The following PARD3B variants were observed in gnomAD, a reference collection of about 807,000 sequenced individuals.
PARD3B encodes par-3 family cell polarity regulator beta.
Under a neutral mutation model 130.2 loss-of-function variants are expected in PARD3B, and 103 were observed. The observed-to-expected ratio is 0.79, with a 90% confidence interval of 0.67 to 0.93. The LOEUF (loss-of-function observed/expected upper bound fraction) is 0.93. Ranked by LOEUF, PARD3B falls within the 40% of genes least tolerant of loss-of-function variation. The probability of loss-of-function intolerance (pLI) is 0.00; values close to 1 mark genes in which losing one functional copy is unlikely to be tolerated. For synonymous variants in PARD3B, 583 were observed against 553.2 expected (o/e 1.05, Z -0.76); for missense variants, 1,609 against 1,499.2 (o/e 1.07, Z -1.21).
At chr2:205,062,652 G>T (rs546438346) in intron 4 of PARD3B, among the ~76,000 whole-genome samples, 1 of 151,590 alleles carries the variant, frequency 6.6e-6, no homozygotes, top group East Asian at 1.9e-4. Flanking sequence ...ATGAAAGAAT[G>T]CATAAAAGAA....
At chr2:205,609,885 A>T (rs1176926665) in intron 22 of PARD3B, among the ~76,000 whole-genome samples, 3 of 152,188 alleles carry the variant, frequency 2.0e-5, no homozygotes. Context: ...ATCAGATGAG[A>T]TACTGTAGGA....
At position 204,777,826 on chromosome 2, in the gene PARD3B, G is replaced by A. The variant is rs146842241; in HGVS notation, c.222+91544G>A. ...TCTTGAATTGTAATCCTCATATGTCGAGGGAGGGAACTGTAATCCCCACAT... is the reference window on the plus strand; with the variant it reads ...TCTTGAATTGTAATCCTCATATGTCAAGGGAGGGAACTGTAATCCCCACAT... On this transcript the variant is annotated intron_variant, in intron 2 of 22. Coordinates refer to ENST00000406610, the MANE Select transcript of PARD3B (RefSeq NM_001302769.2). Among the ~76,000 whole-genome samples, 238 of 152,192 alleles carry A rather than the reference G, an allele frequency of 1.6e-3. 1 individual carries two copies. Among genetic ancestry groups the A allele is most frequent in the Non-Finnish European group, 2.9e-3 (196 of 68,010 alleles).
chr2:204,846,057 C>T (rs2044451716), intron 2 of PARD3B, among the ~76,000 whole-genome samples: 1 of 151,160 alleles, frequency 6.6e-6, no homozygotes, highest in African/African-American at 2.4e-5. Flanking sequence ...TCTATAAATC[C>T]AAATAGAAAA....
At chr2:204,918,946 AAAAC>A (rs1367838905) in intron 2 of PARD3B, among the ~76,000 whole-genome samples, 2 of 151,836 alleles carry the variant, frequency 1.3e-5, no homozygotes, top group African/African-American at 4.8e-5. Context: ...GTCTTCATTT[AAAAC>A]TAACACTCAA....
chr2:204,946,120 T>C (rs1050091622), intron 2 of PARD3B, among the ~76,000 whole-genome samples: 16 of 152,228 alleles, frequency 1.1e-4, no homozygotes, highest in Non-Finnish European at 2.2e-4. Context: ...CCTTCGACTA[T>C]TTCATCACAT....
At chr2:204,715,374 T>G (rs1031208050) in intron 2 of PARD3B, among the ~76,000 whole-genome samples, 23 of 152,184 alleles carry the variant, frequency 1.5e-4, no homozygotes, top group Non-Finnish European at 3.2e-4. Flanking sequence ...GTGGGTGGAT[T>G]CTTTTTCCTG....
chr2:204,974,658 G>A (rs1222298091), intron 3 of PARD3B, among the ~76,000 whole-genome samples: 1 of 152,212 alleles, frequency 6.6e-6, no homozygotes, highest in Non-Finnish European at 1.5e-5. Flanking sequence ...TTTAGTCACA[G>A]TTCAGGGATA....
chr2:205,193,962 G>A (rs933662717), intron 15 of PARD3B, among the ~76,000 whole-genome samples: 1 of 152,166 alleles, frequency 6.6e-6, no homozygotes, highest in Non-Finnish European at 1.5e-5. Context: ...ACTGTTGGGT[G>A]CCAGGGCAGA....
chr2:205,045,716 C>T (rs1698727542), intron 3 of PARD3B, among the ~76,000 whole-genome samples: 1 of 151,484 alleles, frequency 6.6e-6, no homozygotes, highest in Non-Finnish European at 1.5e-5. Context: ...TAAGAAAAAC[C>T]ATGTCTCTCT....
In PARD3B at chr2:204,604,858, ATTC is replaced by A. The variant is rs1190897808; in HGVS notation, c.120+58744_120+58746del. 4.6e-5 allele frequency among the ~76,000 whole-genome samples: 7 copies of A among 152,070 alleles called. No individual in the cohort carries two copies. In the South Asian group the frequency reaches 6.2e-4, roughly 14 times the overall value. ...TGTGGGTCAGGAATTTGGATGGGGT[ATTC>A]TTCTGTTCCACACAGTGTCAACTGG... On this transcript the variant is annotated intron_variant, in intron 1 of 22. Coordinates refer to ENST00000406610, the MANE Select transcript of PARD3B (RefSeq NM_001302769.2).
At chr2:205,236,064 A>G (rs1470710328) in intron 15 of PARD3B, among the ~76,000 whole-genome samples, 1 of 152,360 alleles carries the variant, frequency 6.6e-6, no homozygotes, top group East Asian at 1.9e-4. Flanking sequence ...TGTTAAGGCA[A>G]TATTATGCAC....
chr2:205,434,454 T>G (rs187881452), intron 19 of PARD3B, among the ~76,000 whole-genome samples: 1 of 152,286 alleles, frequency 6.6e-6, no homozygotes, highest in East Asian at 1.9e-4. Flanking sequence ...GTAATCTAGT[T>G]ATGGAAGCAG....
At chr2:204,968,017 C>T (rs1251016800) in intron 3 of PARD3B, among the ~76,000 whole-genome samples, 1 of 152,208 alleles carries the variant, frequency 6.6e-6, no homozygotes, top group Non-Finnish European at 1.5e-5. Context: ...CATCTCCCTT[C>T]CCCAGTCAGC....
chr2:204,976,196 T>C (rs1183137615), intron 3 of PARD3B, among the ~76,000 whole-genome samples: 1 of 152,198 alleles, frequency 6.6e-6, no homozygotes, highest in Admixed American at 6.5e-5. Flanking sequence ...AATGGAATGT[T>C]TCCAAAAGAA....
Position 205,122,633 on chromosome 2 carries a change from T to C in PARD3B, c.1165+684T>C, listed in dbSNP as rs1483301728. ...CTCTGCTTTATATTACCTTCCCCCATTGCAACCTTCTGAAATTCTGTGTTT... is the reference window on the plus strand; with the variant it reads ...CTCTGCTTTATATTACCTTCCCCCACTGCAACCTTCTGAAATTCTGTGTTT... On this transcript the variant is annotated intron_variant, in intron 8 of 22. Transcript: ENST00000406610. This position sits in a 1 kb window ranked among gnomAD's most constrained non-coding sequence, Gnocchi z 4.3. Among the ~76,000 whole-genome samples the C allele has an allele frequency of 6.6e-6, 1 of 152,174 alleles. No homozygotes were observed. Among genetic ancestry groups the C allele is most frequent in the Non-Finnish European group, 1.5e-5 (1 of 68,018 alleles).
At chr2:204,998,496 A>G (rs1348766990) in intron 3 of PARD3B, among the ~76,000 whole-genome samples, 2 of 110,092 alleles carry the variant, frequency 1.8e-5, no homozygotes, top group Non-Finnish European at 3.7e-5. Context: ...ATATATGTAT[A>G]TATATGTGTA....
At chr2:205,152,608 G>A (rs1303750037) in intron 10 of PARD3B, among the ~76,000 whole-genome samples, 1 of 152,138 alleles carries the variant, frequency 6.6e-6, no homozygotes, top group African/African-American at 2.4e-5. Flanking sequence ...GCTCCATCGG[G>A]TCATTTAAGG....
intron 18 of PARD3B, among the ~76,000 whole-genome samples, chr2:205,335,265 T>C (rs2043270745): frequency 6.6e-6 from 1 of 152,186 alleles, no homozygotes; most frequent in Admixed American, 6.5e-5. Flanking sequence ...CTTTGGAACA[T>C]GGTGGGAAGT....
At chr2:205,355,166 G>A (rs1216202751) in intron 18 of PARD3B, among the ~76,000 whole-genome samples, 3 of 152,128 alleles carry the variant, frequency 2.0e-5, no homozygotes, top group Non-Finnish European at 4.4e-5. Flanking sequence ...TGTTGCTGTC[G>A]TGAAAGGCTT....
Sources: gnomAD v4.1 joint callset for allele counts (sites outside exome capture counted in the v4.1 genomes callset) on GRCh38, gnomAD v4.1.1 for gene constraint, Gnocchi (gnomAD v3.1) non-coding constraint, MANE v1.5 for transcripts, NCBI Gene and HGNC (gene_info 2026-07-23, HGNC 2026-07-21) for gene names.